AGMO: variants seen among roughly 807,000 people sequenced by gnomAD.
The protein encoded by AGMO is glyceryl-ether monooxygenase.
A neutral mutation model predicts 60.2 loss-of-function variants in AGMO; 75 were observed. The ratio of observed to expected loss-of-function variants is 1.25; its 90% CI spans 1.03 to 1.51. The LOEUF is 1.51. AGMO is among the 40% of genes most tolerant of loss of function. AGMO has a pLI of 0.00. For missense variants in AGMO, 763 were observed against 525.5 expected, an observed-to-expected ratio of 1.45 and a Z score of -4.42; for synonymous variants, 261 against 177.1, an observed-to-expected ratio of 1.47 and a Z score of -3.76.
chr7:15,194,845 C>A, the AGMO span, among the ~76,000 whole-genome samples: 2 of 152,046 alleles, frequency 1.3e-5, no homozygotes, highest in African/African-American at 4.8e-5. Flanking sequence ...TCCAATACCC[C>A]CTGTCTAGAG....
chr7:15,287,984 C>T (rs1784147621), intron 12 of AGMO, among the ~76,000 whole-genome samples: 1 of 151,976 alleles, frequency 6.6e-6, no homozygotes, highest in Non-Finnish European at 1.5e-5. Flanking sequence ...ATAGCTGTCA[C>T]TTTCTAAAAA....
At chr7:15,308,786 C>G (rs529753483) in intron 12 of AGMO, among the ~76,000 whole-genome samples, 10 of 152,218 alleles carry the variant, frequency 6.6e-5, no homozygotes, top group Middle Eastern at 3.4e-3. Context: ...CTTCACATAA[C>G]TCTTGGAAGC....
chr7:15,452,540 C>G (rs1012839072), intron 3 of AGMO, among the ~76,000 whole-genome samples: 1 of 152,132 alleles, frequency 6.6e-6, no homozygotes, highest in African/African-American at 2.4e-5. Context: ...TTACATACCA[C>G]TTTGCATCTA....
chr7:15,439,125 A>G (rs576954325), intron 3 of AGMO, among the ~76,000 whole-genome samples: 21 of 152,284 alleles, frequency 1.4e-4, no homozygotes, highest in African/African-American at 2.4e-4. Flanking sequence ...ATGACCGGGC[A>G]CAGTGGCTCA....
intron 3 of AGMO, among the ~76,000 whole-genome samples, chr7:15,470,483 A>G (rs1437329082): frequency 6.6e-6 from 1 of 151,960 alleles, no homozygotes; most frequent in Admixed American, 6.6e-5. Flanking sequence ...AAATTTTTCA[A>G]CTTCAAGTAT....
intron 12 of AGMO, among the ~76,000 whole-genome samples, chr7:15,272,632 T>C (rs1277282569): frequency 6.6e-6 from 1 of 152,134 alleles, no homozygotes; most frequent in African/African-American, 2.4e-5. Flanking sequence ...TATAATCCTT[T>C]GGGTATATAC....
At chr7:15,390,199 G>A (rs548913782) in intron 8 of AGMO, among the ~76,000 whole-genome samples, 56 of 152,044 alleles carry the variant, frequency 3.7e-4, no homozygotes, top group Non-Finnish European at 7.5e-4. Flanking sequence ...ACAAGTCTTA[G>A]CAAGCGAGGT....
At chr7:15,387,273 A>T (rs975409006) in intron 9 of AGMO, 133 bp downstream of exon 9, 3 of 1,005,986 alleles carry the variant, frequency 3.0e-6, no homozygotes, top group Middle Eastern at 2.5e-4. Flanking sequence ...TAAGTTATGC[A>T]CCACAGGACT....
At chr7:15,311,583 G>A (rs533875732) in intron 12 of AGMO, among the ~76,000 whole-genome samples, 1 of 152,252 alleles carries the variant, frequency 6.6e-6, no homozygotes, top group South Asian at 2.1e-4. Flanking sequence ...ATCTGCTTTG[G>A]TAAAACCTCC....
intron 12 of AGMO, among the ~76,000 whole-genome samples, chr7:15,352,406 C>A (rs1317608034): frequency 6.6e-6 from 1 of 151,978 alleles, no homozygotes; most frequent in Non-Finnish European, 1.5e-5. Context: ...CACGTGCAAA[C>A]CTCATCAAGG....
chr7:15,209,572 G>A (rs1020226343), intron 12 of AGMO, among the ~76,000 whole-genome samples: 1 of 152,166 alleles, frequency 6.6e-6, no homozygotes, highest in South Asian at 2.1e-4. Flanking sequence ...TACGCTAATA[G>A]AAGGCCAGCA....
chr7:15,331,738 C>T (rs926005215), intron 12 of AGMO, among the ~76,000 whole-genome samples: 1 of 152,028 alleles, frequency 6.6e-6, no homozygotes, highest in African/African-American at 2.4e-5. Flanking sequence ...TCCAACCTGA[C>T]CAATGTGGAG....
intron 3 of AGMO, among the ~76,000 whole-genome samples, chr7:15,528,562 C>T (rs558399008): frequency 6.6e-6 from 1 of 152,188 alleles, no homozygotes; most frequent in South Asian, 2.1e-4. Context: ...AACTGACATC[C>T]AGTTTGCAGA....
the AGMO span, among the ~76,000 whole-genome samples, chr7:15,125,111 C>A: frequency 6.6e-6 from 1 of 152,056 alleles, no homozygotes; most frequent in Non-Finnish European, 1.5e-5. Flanking sequence ...TATTTTTCAT[C>A]GCATCCAAAA....
Position 15,431,018 on chromosome 7 carries a change from A to G in AGMO, c.500T>C (p.Ile167Thr), listed in dbSNP as rs1233160935. The G allele has an allele frequency of 1.3e-6, 2 of 1,599,384 alleles. No homozygotes were observed. The highest frequency in any genetic ancestry group is 1.7e-6 in the Non-Finnish European group (2 of 1,170,116). The change falls in exon 4 of 13, where the codon ATA becomes ACA. Residue 167 changes from isoleucine to threonine, a missense_variant. Physicochemically the swap from Ile to Thr is moderately conservative, Grantham distance 89. Transcript: ENST00000342526. ...STALRQSVLQIYTSWIFYSPL... is the reference protein window; with the variant it reads ...STALRQSVLQTYTSWIFYSPL... ...CATACAACTTACCCAGGAAGTATATATCTGGAGGACAGACTGTCTCAGTGC... is the reference window on the plus strand; with the variant it reads ...CATACAACTTACCCAGGAAGTATATGTCTGGAGGACAGACTGTCTCAGTGC...
intron 3 of AGMO, among the ~76,000 whole-genome samples, chr7:15,540,625 G>A (rs1373118167): frequency 6.6e-6 from 1 of 152,166 alleles, no homozygotes. Context: ...GGATAAGAGA[G>A]GCAATAAATT....
intron 10 of AGMO, among the ~76,000 whole-genome samples, chr7:15,384,343 T>TAA (rs1313684386): frequency 1.3e-5 from 2 of 152,228 alleles, no homozygotes; most frequent in Non-Finnish European, 2.9e-5. Flanking sequence ...TTAATTACTT[T>TAA]AAAAATGACA....
chr7:15,244,321 GTTGA>G (rs922066356), intron 12 of AGMO, among the ~76,000 whole-genome samples: 1 of 152,034 alleles, frequency 6.6e-6, no homozygotes, highest in African/African-American at 2.4e-5. Flanking sequence ...TTGATTCATT[GTTGA>G]TTGTTTATGA....
At position 15,385,505 on chromosome 7, in the gene AGMO, T is replaced by A. The variant is rs1783874206; in HGVS notation, c.1015A>T (p.Thr339Ser). ...SSSSQLLKIY[T>S]VVQFALMLAF... is the part of the protein sequence containing the mutation. ...AACATCAGAGCAAACTGTACAACTGTATATATCTTTAATAGCTGAGATGAA... is the reference window on the plus strand; with the variant it reads ...AACATCAGAGCAAACTGTACAACTGAATATATCTTTAATAGCTGAGATGAA... The change falls in exon 10 of 13, where the codon ACA becomes TCA. Residue 339 changes from threonine (T) to serine (S), a missense_variant. Thr to Ser is a moderately conservative substitution (Grantham distance 58). Coordinates refer to ENST00000342526, the MANE Select transcript of AGMO (RefSeq NM_001004320.2). 5.0e-6 allele frequency: 8 copies of A among 1,613,208 alleles called. No individual in the cohort carries two copies. The highest frequency in any genetic ancestry group is 1.3e-5 in the African/African-American group (1 of 74,918).
Sources: gnomAD v4.1 joint callset for allele counts (sites outside exome capture counted in the v4.1 genomes callset) on GRCh38, gnomAD v4.1.1 for gene constraint, MANE v1.5 for transcripts, NCBI Gene and HGNC (gene_info 2026-07-23, HGNC 2026-07-21) for gene names.